Variants in FBLN5 observed in about 807,000 individuals in gnomAD.
FBLN5 encodes fibulin-5.
FBLN5 carries 24 observed loss-of-function variants against 61.6 expected under a neutral mutation model. That is an observed-to-expected ratio of 0.39 (90% CI 0.28 to 0.55). The LOEUF is 0.55. FBLN5 is among the 20% of genes least tolerant of loss of function. The probability of loss-of-function intolerance (pLI) is 0.65; values close to 1 mark genes in which losing one functional copy is unlikely to be tolerated. For missense variants in FBLN5, 470 were observed against 594.1 expected, an observed-to-expected ratio of 0.79 and a Z score of 2.17; for synonymous variants, 213 against 219.8, an observed-to-expected ratio of 0.97 and a Z score of 0.27.
At chr14:91,883,678 A>G (rs12891887) in intron 7 of FBLN5, among the ~76,000 whole-genome samples, 1 of 148,162 alleles carries the variant, frequency 6.7e-6, no homozygotes, top group Non-Finnish European at 1.5e-5. Flanking sequence ...CACACACACA[A>G]AAACAAAAAC....
At chr14:91,909,921 T>A (rs1310461975) in intron 4 of FBLN5, among the ~76,000 whole-genome samples, 1 of 152,222 alleles carries the variant, frequency 6.6e-6, no homozygotes, top group South Asian at 2.1e-4. Context: ...ACTGAACACT[T>A]GTGGGAATGT....
intron 4 of FBLN5, among the ~76,000 whole-genome samples, chr14:91,933,975 G>A (rs2055970858): frequency 6.6e-6 from 1 of 152,084 alleles, no homozygotes; most frequent in African/African-American, 2.4e-5. Context: ...AGCCAGGCAT[G>A]GTGGCACATG....
intron 4 of FBLN5, among the ~76,000 whole-genome samples, chr14:91,911,873 T>C (rs532309386): frequency 2.8e-4 from 43 of 151,540 alleles, no homozygotes; most frequent in African/African-American, 1.0e-3. Context: ...CATGACCTTG[T>C]AGACCTATTA....
At chr14:91,922,310 TAAAGTA>T (rs1157802103) in intron 4 of FBLN5, among the ~76,000 whole-genome samples, 3 of 127,800 alleles carry the variant, frequency 2.3e-5, no homozygotes, top group African/African-American at 8.9e-5. Context: ...ATAATAATAA[TAAAGTA>T]AATAAATAAA....
At chr14:91,945,674 G>A (rs1022701100) in intron 1 of FBLN5, among the ~76,000 whole-genome samples, 1 of 152,152 alleles carries the variant, frequency 6.6e-6, no homozygotes, top group Non-Finnish European at 1.5e-5. Flanking sequence ...ACATCCAGAG[G>A]GAATAGGGCC....
intron 4 of FBLN5, among the ~76,000 whole-genome samples, chr14:91,922,226 G>A (rs946396601): frequency 6.6e-6 from 1 of 151,888 alleles, no homozygotes; most frequent in Non-Finnish European, 1.5e-5. Context: ...CCAGGAGGCG[G>A]AAATTGCAGT....
intron 5 of FBLN5, among the ~76,000 whole-genome samples, chr14:91,892,254 G>A (rs1342147901): frequency 6.6e-6 from 1 of 152,184 alleles, no homozygotes; most frequent in African/African-American, 2.4e-5. Flanking sequence ...TCCTGGCAGA[G>A]TCTGAGATGG....
chr14:91,913,381 C>A (rs1431909443), intron 4 of FBLN5, among the ~76,000 whole-genome samples: 1 of 152,154 alleles, frequency 6.6e-6, no homozygotes, highest in Non-Finnish European at 1.5e-5. Flanking sequence ...AAATGCATTT[C>A]TCTGGGTCAT....
chr14:91,872,741 C>T lies in FBLN5; in HGVS notation c.1186-2356G>A, dbSNP rs565165472. ...TATTGGCACCTCCTCACGCAGATTTCTTGGACTTCCTTGTCAGCCCTTACG... is the reference window on the plus strand; with the variant it reads ...TATTGGCACCTCCTCACGCAGATTTTTTGGACTTCCTTGTCAGCCCTTACG... On this transcript the variant is annotated intron_variant, in intron 10 of 10. Transcript: ENST00000342058. 1.1e-4 allele frequency among the ~76,000 whole-genome samples: 17 copies of T among 152,350 alleles called. No individual in the cohort carries two copies. In the South Asian group the frequency reaches 3.3e-3, roughly 30 times the overall value.
rs977019613 is a variant in FBLN5 at position 91,943,508 on chromosome 14, TC to T, written c.18-548del. The stretch of plus-strand genomic sequence containing the variant: ...TGGGTGACAGAGCGAGACCTTGTCC[TC>T]CCCCCACCCCCCAAAAAAGCTAAAA... On this transcript the variant is annotated intron_variant, in intron 1 of 10. Transcript: ENST00000342058. The surrounding 1 kb of genome is among the most constrained non-coding windows in gnomAD (Gnocchi z 4.0). Among the ~76,000 whole-genome samples the T allele has an allele frequency of 6.6e-6, 1 of 151,462 alleles. No homozygotes were observed. Among genetic ancestry groups the T allele is most frequent in the African/African-American group, 2.4e-5 (1 of 41,122 alleles).
At chr14:91,932,341 A>G (rs998474177) in intron 4 of FBLN5, among the ~76,000 whole-genome samples, 1 of 152,202 alleles carries the variant, frequency 6.6e-6, no homozygotes, top group African/African-American at 2.4e-5. Context: ...CATTGTTCCA[A>G]AAGGACAGGG....
chr14:91,887,374 C>T, intron 6 of FBLN5, 62 bp from the exon 7 acceptor site: 1 of 1,576,482 alleles, frequency 6.3e-7, no homozygotes, highest in Non-Finnish European at 8.7e-7. Flanking sequence ...AATAACTAGG[C>T]AGAAAAAGCA....
chr14:91,925,121 A>G (rs1351944206), intron 4 of FBLN5, among the ~76,000 whole-genome samples: 1 of 135,784 alleles, frequency 7.4e-6, no homozygotes, highest in African/African-American at 2.5e-5. Context: ...AAATATGTAG[A>G]GCTCATAAAT....
chr14:91,870,832 G>A (rs1349682257), intron 10 of FBLN5, among the ~76,000 whole-genome samples: 1 of 152,188 alleles, frequency 6.6e-6, no homozygotes, highest in Non-Finnish European at 1.5e-5. Flanking sequence ...CTTGAACACA[G>A]AAGGTGTTCA....
intron 4 of FBLN5, among the ~76,000 whole-genome samples, chr14:91,912,066 G>C (rs966031471): frequency 1.3e-5 from 2 of 152,218 alleles, no homozygotes; most frequent in African/African-American, 4.8e-5. Flanking sequence ...CACAAACATT[G>C]TTATAAATGT....
intron 10 of FBLN5, among the ~76,000 whole-genome samples, chr14:91,870,935 A>G (rs1438159767): frequency 6.6e-6 from 1 of 152,122 alleles, no homozygotes; most frequent in Non-Finnish European, 1.5e-5. Flanking sequence ...CATCTCTCAA[A>G]TGAGGGTTTG....
intron 4 of FBLN5, among the ~76,000 whole-genome samples, chr14:91,906,459 G>A (rs753854567): frequency 6.6e-6 from 1 of 152,186 alleles, no homozygotes; most frequent in Non-Finnish European, 1.5e-5. Context: ...TTGAGGGGTG[G>A]CCACATGCCC....
intron 6 of FBLN5, among the ~76,000 whole-genome samples, chr14:91,890,228 A>G (rs889764089): frequency 1.3e-5 from 2 of 152,206 alleles, no homozygotes; most frequent in African/African-American, 4.8e-5. Context: ...ACTCTTTAAC[A>G]CTGATGCCTT....
At chr14:91,922,268 G>A (rs1290593333) in intron 4 of FBLN5, among the ~76,000 whole-genome samples, 1 of 151,560 alleles carries the variant, frequency 6.6e-6, no homozygotes, top group East Asian at 1.9e-4. Context: ...ACTCCAGCCT[G>A]GGTGACAGAG....
Sources: allele counts gnomAD v4.1 joint callset (sites outside exome capture counted in the v4.1 genomes callset), GRCh38; gene constraint gnomAD v4.1.1; non-coding constraint Gnocchi (gnomAD v3.1); transcripts MANE v1.5; gene names NCBI Gene and HGNC (gene_info 2026-07-23, HGNC 2026-07-21).